ATP6V0D2: variants seen among roughly 807,000 people sequenced by gnomAD.
The protein encoded by ATP6V0D2 is ATPase H+ transporting V0 subunit d2, also known as V-type proton ATPase subunit d 2.
In ATP6V0D2, 40 loss-of-function variants were observed where a neutral mutation model predicts 40.0. The observed-to-expected ratio is 1.00, with a 90% CI of 0.78 to 1.30. The LOEUF is 1.30. ATP6V0D2 is among the 50% of genes most tolerant of loss of function. The probability of loss-of-function intolerance (pLI) is 0.00; values close to 1 mark genes in which losing one functional copy is unlikely to be tolerated. For missense variants in ATP6V0D2, 470 were observed against 423.1 expected (o/e 1.11, Z -0.97); for synonymous variants, 179 against 156.3 (o/e 1.15, Z -1.08).
chr8:86,142,666 G>A (rs1818991242), intron 4 of ATP6V0D2, among the ~76,000 whole-genome samples: 1 of 152,190 alleles, frequency 6.6e-6, no homozygotes, highest in East Asian at 1.9e-4. Flanking sequence ...TATGATAAAT[G>A]CAGTTTTGTC....
intron 5 of ATP6V0D2, among the ~76,000 whole-genome samples, chr8:86,149,065 A>ACAAAAC (rs1460046900): frequency 6.7e-6 from 1 of 149,732 alleles, no homozygotes; most frequent in Non-Finnish European, 1.5e-5. Context: ...GAAAAAAAAA[A>ACAAAAC]AAAAAAAAAA....
intron 5 of ATP6V0D2, among the ~76,000 whole-genome samples, chr8:86,145,233 A>AAGAGAGAG (rs1181332154): frequency 1.3e-4 from 5 of 38,442 alleles, no homozygotes; most frequent in East Asian, 6.2e-4. Flanking sequence ...GAAAGAAAGA[A>AAGAGAGAG]AGAGAGAGAG....
intron 1 of ATP6V0D2, among the ~76,000 whole-genome samples, chr8:86,111,640 AATTT>A (rs1476918347): frequency 6.6e-6 from 1 of 152,086 alleles, no homozygotes; most frequent in Non-Finnish European, 1.5e-5. Context: ...TTCTATTTTT[AATTT>A]ATTTCTCTCC....
Position 86,150,231 on chromosome 8 carries a change from G to A in ATP6V0D2, c.759G>A (p.Arg253=). 1 of 1,613,178 alleles carries A rather than the reference G, an allele frequency of 6.2e-7. No individual in the cohort carries two copies. Among genetic ancestry groups the A allele is most frequent in the East Asian group, 2.2e-5 (1 of 44,734 alleles). Reference sequence around the variant, plus strand: ...GCAAACTCTATCCTGAGGGGTTGCGGCTGTTGGCTCAAGCAGAAGACTTTG... The same window carrying A: ...GCAAACTCTATCCTGAGGGGTTGCGACTGTTGGCTCAAGCAGAAGACTTTG... ...TFGKLYPEGL[R]LLAQAEDFDQ... The change falls in exon 6 of 8, where the codon CGG becomes CGA. Residue 253 remains arginine, a synonymous_variant. Transcript: ENST00000285393.
intron 4 of ATP6V0D2, among the ~76,000 whole-genome samples, chr8:86,142,259 A>G (rs1818984800): frequency 1.3e-5 from 2 of 152,240 alleles, no homozygotes; most frequent in Admixed American, 6.5e-5. Context: ...TCCTTGAGAT[A>G]TAACTAACAG....
chr8:86,114,419 C>T (rs1818567154), intron 2 of ATP6V0D2, among the ~76,000 whole-genome samples: 1 of 152,302 alleles, frequency 6.6e-6, no homozygotes, highest in South Asian at 2.1e-4. Context: ...TGCCTGTAAT[C>T]CCAGCACTTT....
At chr8:86,150,347 A>C in intron 6 of ATP6V0D2, 59 bp downstream of exon 6, 1 of 1,500,846 alleles carries the variant, frequency 6.7e-7, no homozygotes, top group Non-Finnish European at 9.1e-7. Flanking sequence ...CATGTGCTTT[A>C]GAAGCTCACA....
At chr8:86,127,671 G>T (rs1818763810) in intron 2 of ATP6V0D2, among the ~76,000 whole-genome samples, 1 of 152,066 alleles carries the variant, frequency 6.6e-6, no homozygotes, top group Admixed American at 6.5e-5. Context: ...CGATCCGCCT[G>T]CCTTGGCTTC....
At chr8:86,099,225 A>G in intron 1 of ATP6V0D2, 117 bp downstream of exon 1, 2 of 1,131,866 alleles carry the variant, frequency 1.8e-6, no homozygotes, top group South Asian at 2.3e-5. Flanking sequence ...TTCTGAGCAG[A>G]TCCTTATTCC....
chr8:86,104,087 C>T (rs1331518865), intron 1 of ATP6V0D2, among the ~76,000 whole-genome samples: 2 of 152,108 alleles, frequency 1.3e-5, no homozygotes, highest in Non-Finnish European at 2.9e-5. Context: ...CTCAGCCTCC[C>T]AAAGTGCTGG....
At chr8:86,147,681 G>A (rs1819090251) in intron 5 of ATP6V0D2, among the ~76,000 whole-genome samples, 1 of 152,276 alleles carries the variant, frequency 6.6e-6, no homozygotes, top group East Asian at 1.9e-4. Context: ...ATGATAAAAG[G>A]AAAATGGAAT....
chr8:86,102,554 T>A (rs16884474), intron 1 of ATP6V0D2, among the ~76,000 whole-genome samples: 3,256 of 152,312 alleles, frequency 0.021, 131 homozygotes, highest in African/African-American at 0.073. Flanking sequence ...AGTGTTCTGA[T>A]AGCAACAAAT....
chr8:86,119,918 T>A (rs1412887847), intron 2 of ATP6V0D2, among the ~76,000 whole-genome samples: 3 of 152,200 alleles, frequency 2.0e-5, no homozygotes, highest in Non-Finnish European at 4.4e-5. Flanking sequence ...CAATATAGAA[T>A]CCTGCATTCA....
At chr8:86,151,381 A>T in intron 6 of ATP6V0D2, 85 bp from the exon 7 acceptor site, 1 of 1,001,254 alleles carries the variant, frequency 1.0e-6, no homozygotes, top group South Asian at 1.8e-5. Context: ...ATAGGTACAC[A>T]ATTTCTATAA....
At chr8:86,101,438 C>T (rs574088792) in intron 1 of ATP6V0D2, among the ~76,000 whole-genome samples, 210 of 117,050 alleles carry the variant, frequency 1.8e-3, no homozygotes, top group African/African-American at 6.7e-3. Context: ...CCAGCCTGGG[C>T]GACAGAGTGA....
intron 5 of ATP6V0D2, among the ~76,000 whole-genome samples, chr8:86,145,306 AAAGAAAAGAAAGAAGGAAAG>A (rs1819047032): frequency 1.0e-5 from 1 of 99,384 alleles, no homozygotes; most frequent in South Asian, 4.3e-4. Flanking sequence ...AGAAAGAAAG[AAAGAAAAGAAAGAAGGAAAG>A]AAGGAAAGAA....
intron 2 of ATP6V0D2, among the ~76,000 whole-genome samples, chr8:86,129,195 G>A (rs1222580909): frequency 6.6e-6 from 1 of 152,160 alleles, no homozygotes; most frequent in Non-Finnish European, 1.5e-5. Context: ...GAACTCTTAG[G>A]GTTTTTAAGT....
intron 1 of ATP6V0D2, among the ~76,000 whole-genome samples, chr8:86,101,463 A>T: frequency 2.5e-5 from 1 of 40,614 alleles, no homozygotes; most frequent in African/African-American, 8.5e-5. Flanking sequence ...CTGTCTCAGG[A>T]AAAAAAAAAA....
At chr8:86,117,199 C>T (rs1465398059) in intron 2 of ATP6V0D2, among the ~76,000 whole-genome samples, 1 of 152,060 alleles carries the variant, frequency 6.6e-6, no homozygotes, top group East Asian at 1.9e-4. Context: ...TTTTAATTAG[C>T]TATACTCATC....
Sources: gnomAD v4.1 joint callset for allele counts (sites outside exome capture counted in the v4.1 genomes callset) on GRCh38, gnomAD v4.1.1 for gene constraint, MANE v1.5 for transcripts, NCBI Gene and HGNC (gene_info 2026-07-23, HGNC 2026-07-21) for gene names.